Variants in VWC2L observed in about 807,000 individuals in gnomAD.
VWC2L encodes the protein von Willebrand factor C domain-containing protein 2-like.
VWC2L carries 10 observed loss-of-function variants against 21.6 expected under a neutral mutation model. The observed-to-expected ratio is 0.46, with a 90% CI of 0.29 to 0.78. The LOEUF is 0.78. Ranked by LOEUF, VWC2L falls within the 30% of genes least tolerant of loss-of-function variation. The probability of loss-of-function intolerance (pLI) is 0.10; values close to 1 mark genes in which losing one functional copy is unlikely to be tolerated. For synonymous variants in VWC2L, 96 were observed against 94.3 expected (o/e 1.02, Z -0.10); for missense variants, 209 against 277.1 (o/e 0.75, Z 1.74).
intron 3 of VWC2L, among the ~76,000 whole-genome samples, chr2:214,457,521 C>A (rs946271926): frequency 6.6e-6 from 1 of 151,992 alleles, no homozygotes; most frequent in Non-Finnish European, 1.5e-5. Context: ...GATTCAAGTA[C>A]TGCGTTGAGT....
chr2:214,421,955 G>A (rs1285558616), intron 2 of VWC2L, among the ~76,000 whole-genome samples: 1 of 122,386 alleles, frequency 8.2e-6, no homozygotes, highest in South Asian at 2.6e-4. Flanking sequence ...GCAGTGGCGC[G>A]ATCTCGACTC....
At chr2:214,484,770 A>T (rs992581457) in intron 3 of VWC2L, among the ~76,000 whole-genome samples, 1 of 152,212 alleles carries the variant, frequency 6.6e-6, no homozygotes, top group Non-Finnish European at 1.5e-5. Flanking sequence ...GTGAAGCAAC[A>T]TGATAACATT....
rs1689644651 is a variant in VWC2L, at chr2:214,542,558, G to T, written c.521-33114G>T. Among the ~76,000 whole-genome samples, 3 of 152,204 alleles carry T rather than the reference G, an allele frequency of 2.0e-5. No individual in the cohort carries two copies. In the South Asian group the frequency reaches 6.2e-4, roughly 31 times the overall value. On this transcript the variant is annotated intron_variant, in intron 3 of 3. Coordinates refer to ENST00000312504, the MANE Select transcript of VWC2L (RefSeq NM_001080500.4). ...GCAAGATGCAGATGCTGGTGTTACA[G>T]CTGCCAAGGCCGACAGAATTCCTAT...
intron 3 of VWC2L, among the ~76,000 whole-genome samples, chr2:214,521,052 T>C (rs2105911100): frequency 6.6e-6 from 1 of 151,780 alleles, no homozygotes; most frequent in South Asian, 2.1e-4. Context: ...TGAAACCCCA[T>C]CTCTACTAAA....
At chr2:214,568,583 G>A (rs1690103355) in intron 3 of VWC2L, among the ~76,000 whole-genome samples, 1 of 152,250 alleles carries the variant, frequency 6.6e-6, no homozygotes, top group Middle Eastern at 3.4e-3. Flanking sequence ...GCCAGCAAGA[G>A]AGCTTGTGTA....
chr2:214,551,241 TAGGA>T (rs1279661156), intron 3 of VWC2L, among the ~76,000 whole-genome samples: 13 of 152,294 alleles, frequency 8.5e-5, no homozygotes, highest in South Asian at 2.1e-4. Flanking sequence ...ATTCTGTAAA[TAGGA>T]AGAAAATATA....
intron 3 of VWC2L, among the ~76,000 whole-genome samples, chr2:214,472,411 A>G (rs1335148934): frequency 1.3e-5 from 2 of 152,266 alleles, no homozygotes; most frequent in African/African-American, 2.4e-5. Context: ...AAGTAGAAAT[A>G]TCATAGAAAT....
At chr2:214,486,526 A>G (rs1234515543) in intron 3 of VWC2L, among the ~76,000 whole-genome samples, 1 of 152,138 alleles carries the variant, frequency 6.6e-6, no homozygotes, top group Non-Finnish European at 1.5e-5. Flanking sequence ...CCCTTACTGC[A>G]CTGGTAATTA....
rs910351630 is a variant in VWC2L, at chr2:214,445,425, G to GA, written c.520+8676dup. On this transcript the variant is annotated intron_variant, in intron 3 of 3. Transcript: ENST00000312504. ...AGAAAGCATTTTAAGTAATATTATA[G>GA]AAAAAAAAAGCATTTCCCTCACAAA... Among the ~76,000 whole-genome samples, 493 of 149,024 alleles carry GA rather than the reference G, an allele frequency of 3.3e-3. 1 individual carries two copies. The highest frequency in any genetic ancestry group is 0.012 in the African/African-American group (477 of 40,736).
intron 3 of VWC2L, among the ~76,000 whole-genome samples, chr2:214,480,066 T>C (rs983631685): frequency 2.0e-5 from 3 of 152,170 alleles, no homozygotes; most frequent in East Asian, 1.9e-4. Flanking sequence ...ATAAGTAATA[T>C]AGAGATTATT....
At chr2:214,495,091 G>A (rs1471330282) in intron 3 of VWC2L, among the ~76,000 whole-genome samples, 1 of 151,916 alleles carries the variant, frequency 6.6e-6, no homozygotes, top group Non-Finnish European at 1.5e-5. Context: ...TTGGTTCAAC[G>A]GTTTTTATTG....
At chr2:214,442,732 A>G (rs1227187772) in intron 3 of VWC2L, among the ~76,000 whole-genome samples, 1 of 152,096 alleles carries the variant, frequency 6.6e-6, no homozygotes, top group Non-Finnish European at 1.5e-5. Flanking sequence ...AAAAGGCAAG[A>G]AAAAAGCTTT....
chr2:214,480,571 G>T (rs1288067314), intron 3 of VWC2L, among the ~76,000 whole-genome samples: 2 of 152,060 alleles, frequency 1.3e-5, no homozygotes, highest in Admixed American at 6.6e-5. Flanking sequence ...TCAGTCCAGG[G>T]CTAGTGTAGC....
chr2:214,449,532 G>A (rs917105352), intron 3 of VWC2L, among the ~76,000 whole-genome samples: 2 of 152,108 alleles, frequency 1.3e-5, no homozygotes, highest in Non-Finnish European at 2.9e-5. Context: ...GGCATAAAAC[G>A]CAAACAAAGG....
intron 3 of VWC2L, among the ~76,000 whole-genome samples, chr2:214,553,321 T>G (rs779607325): frequency 1.3e-5 from 2 of 152,260 alleles, no homozygotes; most frequent in Admixed American, 1.3e-4. Context: ...GGGGATCATG[T>G]GCCCAAAGTG....
chr2:214,503,958 A>G (rs899850613), intron 3 of VWC2L, among the ~76,000 whole-genome samples: 1 of 145,078 alleles, frequency 6.9e-6, no homozygotes, highest in Non-Finnish European at 1.5e-5. Flanking sequence ...TCTGCAGGGA[A>G]GGAGCACAAT....
chr2:214,519,268 G>A (rs1689194178), intron 3 of VWC2L, among the ~76,000 whole-genome samples: 1 of 152,084 alleles, frequency 6.6e-6, no homozygotes, highest in African/African-American at 2.4e-5. Flanking sequence ...ACCCACCGAA[G>A]AAAAAATTTA....
At chr2:214,480,231 T>C (rs1688583698) in intron 3 of VWC2L, among the ~76,000 whole-genome samples, 1 of 152,204 alleles carries the variant, frequency 6.6e-6, no homozygotes. Flanking sequence ...TAAAAAATTC[T>C]TACTAATTCC....
At chr2:214,511,467 T>C (rs1346630375) in intron 3 of VWC2L, among the ~76,000 whole-genome samples, 1 of 152,032 alleles carries the variant, frequency 6.6e-6, no homozygotes, top group African/African-American at 2.4e-5. Flanking sequence ...ACTGTGGCCT[T>C]ATAAGAAGAG....
Sources: allele counts gnomAD v4.1 joint callset (sites outside exome capture counted in the v4.1 genomes callset), GRCh38; gene constraint gnomAD v4.1.1; transcripts MANE v1.5; gene names NCBI Gene and HGNC (gene_info 2026-07-23, HGNC 2026-07-21).